Variants in UGT1A8 observed in about 807,000 individuals in gnomAD.
UGT1A8 encodes the protein UDP glucuronosyltransferase family 1 member A8, also known as UDP-glucuronosyltransferase 1A8.
In UGT1A8, 39 loss-of-function variants were observed where a neutral mutation model predicts 45.3. The ratio of observed to expected loss-of-function variants is 0.86; its 90% confidence interval spans 0.67 to 1.12. The LOEUF (loss-of-function observed/expected upper bound fraction) is 1.12. Among genes scored for constraint, UGT1A8 ranks in the 50% most tolerant of loss-of-function variants. The probability of loss-of-function intolerance (pLI) is 0.00; values close to 1 mark genes in which losing one functional copy is unlikely to be tolerated. For missense variants in UGT1A8, 719 were observed against 664.9 expected (o/e 1.08, Z -0.90); for synonymous variants, 275 against 249.2 (o/e 1.10, Z -0.97).
chr2:233,744,011 C>G, intron 1 of UGT1A8: 1 of 1,116,884 alleles, frequency 9.0e-7, no homozygotes, highest in South Asian at 1.5e-5. Flanking sequence ...AGACCTGGGC[C>G]GCCTGGAGAG....
At chr2:233,655,053 C>G (rs1464630053) in intron 1 of UGT1A8, among the ~76,000 whole-genome samples, 1 of 151,984 alleles carries the variant, frequency 6.6e-6, no homozygotes, top group African/African-American at 2.4e-5. Context: ...CATACCACTG[C>G]ACTCCAGCCT....
At chr2:233,758,862 T>C (rs1697002343) in intron 1 of UGT1A8, among the ~76,000 whole-genome samples, 2 of 152,226 alleles carry the variant, frequency 1.3e-5, no homozygotes. Flanking sequence ...GGCTGCACAA[T>C]ACTTGCCCCA....
rs146289100 is a variant in UGT1A8, at chr2:233,636,728, C to T, written c.855+18166C>T. 6.8e-5 allele frequency: 110 copies of T among 1,614,150 alleles called. No individual in the cohort carries two copies. The African/African-American group carries it at 9.9e-4, about 14-fold the overall frequency. On this transcript the variant is annotated intron_variant, in intron 1 of 4. Coordinates refer to ENST00000373450, the MANE Select transcript of UGT1A8 (RefSeq NM_019076.5). ...GAGGTGAGTTGGCAACTGGAAAGAT[C>T]ACTGAATTGCACAGTGAAGACTTAC...
At chr2:233,747,502 C>A in intron 1 of UGT1A8, 1 of 1,608,242 alleles carries the variant, frequency 6.2e-7, no homozygotes, top group Non-Finnish European at 8.5e-7. Context: ...CTGGGCCACA[C>A]TCAACTGTAC....
At chr2:233,755,166 T>C in intron 1 of UGT1A8, 2 of 1,275,566 alleles carry the variant, frequency 1.6e-6, no homozygotes, top group Non-Finnish European at 2.1e-6. Context: ...GTCCTCGGGG[T>C]TTTTGTCGGG....
intron 1 of UGT1A8, chr2:233,760,131 T>A: frequency 7.3e-7 from 1 of 1,362,720 alleles, no homozygotes; most frequent in African/African-American, 1.5e-5. Context: ...TCCACCTTCT[T>A]TATCTCTGAA....
At chr2:233,652,393 T>C (rs533994683) in intron 1 of UGT1A8, among the ~76,000 whole-genome samples, 1 of 152,342 alleles carries the variant, frequency 6.6e-6, no homozygotes, top group Non-Finnish European at 1.5e-5. Flanking sequence ...TATCTGCTCT[T>C]TTGTTCTTTT....
intron 1 of UGT1A8, among the ~76,000 whole-genome samples, chr2:233,709,877 A>G (rs2076095941): frequency 6.6e-6 from 1 of 152,140 alleles, no homozygotes; most frequent in Non-Finnish European, 1.5e-5. Context: ...TTACCCAGTA[A>G]CTTCCCTTCT....
intron 1 of UGT1A8, among the ~76,000 whole-genome samples, chr2:233,689,674 A>G (rs1426137684): frequency 6.6e-6 from 1 of 152,186 alleles, no homozygotes; most frequent in Non-Finnish European, 1.5e-5. Flanking sequence ...AGAACAAAGA[A>G]TGGCTGTCAG....
chr2:233,696,987 C>T lies in UGT1A8; in HGVS notation c.856-70047C>T, dbSNP rs541044034. On this transcript the variant is annotated intron_variant, in intron 1 of 4. Coordinates refer to ENST00000373450, the MANE Select transcript of UGT1A8 (RefSeq NM_019076.5). ...TATTGGATTTGGTTTGCTGGTGTTT[C>T]GTTGAGATTTTTGCATCTATGTTCG... Among the ~76,000 whole-genome samples, 10 of 152,010 alleles carry T rather than the reference C, an allele frequency of 6.6e-5. 1 individual carries two copies. The South Asian group carries it at 1.7e-3, about 25-fold the overall frequency.
At chr2:233,681,274 C>A (rs2074517091) in intron 1 of UGT1A8, among the ~76,000 whole-genome samples, 1 of 151,956 alleles carries the variant, frequency 6.6e-6, no homozygotes, top group African/African-American at 2.4e-5. Context: ...TGGCTCACGC[C>A]TGTAATCCCA....
chr2:233,767,857 G>C lies in UGT1A8; in HGVS notation c.996G>C (p.Trp332Cys). The C allele has an allele frequency of 6.2e-7, 1 of 1,614,112 alleles. No individual in the cohort carries two copies. Among genetic ancestry groups the C allele is most frequent in the Non-Finnish European group, 8.5e-7 (1 of 1,180,034 alleles). The change falls in exon 3 of 5, where the codon TGG becomes TGC. Residue 332 changes from tryptophan to cysteine, a missense_variant. By Grantham distance (215) the Trp-to-Cys change is radical (BLOSUM62 -2). Transcript: ENST00000373450. ...ALGKIPQTVL[W>C]RYTGTRPSNL... The stretch of plus-strand genomic sequence containing the variant: ...CTTTTTGCCCCTCCCAGGTCCTGTG[G>C]CGGTACACTGGAACCCGACCATCGA...
intron 1 of UGT1A8, among the ~76,000 whole-genome samples, chr2:233,700,609 TG>T (rs34100835): frequency 2.6e-5 from 4 of 152,150 alleles, no homozygotes; most frequent in Non-Finnish European, 5.9e-5. Context: ...ACTCTTTTTT[TG>T]GGGGGGTTCC....
intron 1 of UGT1A8, among the ~76,000 whole-genome samples, chr2:233,669,357 C>G (rs148869478): frequency 1.7e-4 from 26 of 152,092 alleles, no homozygotes; most frequent in Middle Eastern, 3.4e-3. Flanking sequence ...AAAAGATAGC[C>G]TGCTGGAATT....
intron 2 of UGT1A8, 93 bp downstream of exon 2, chr2:233,767,258 C>T (rs1454742513): frequency 1.3e-6 from 2 of 1,592,782 alleles, no homozygotes; most frequent in African/African-American, 1.3e-5. Context: ...TTAATTGGAA[C>T]CTTAGATTTG....
At chr2:233,644,866 G>T (rs930472503) in intron 1 of UGT1A8, among the ~76,000 whole-genome samples, 1 of 152,148 alleles carries the variant, frequency 6.6e-6, no homozygotes, top group Non-Finnish European at 1.5e-5. Flanking sequence ...TATGAAGGTG[G>T]TTTTTCCTGT....
intron 1 of UGT1A8, among the ~76,000 whole-genome samples, chr2:233,735,366 G>C (rs2078646092): frequency 6.6e-6 from 1 of 151,988 alleles, no homozygotes; most frequent in Non-Finnish European, 1.5e-5. Context: ...TTGTTTGGTA[G>C]ATCTTCCTCC....
intron 1 of UGT1A8, among the ~76,000 whole-genome samples, chr2:233,670,103 T>TA (rs1559332861): frequency 6.6e-6 from 1 of 152,234 alleles, no homozygotes; most frequent in Non-Finnish European, 1.5e-5. Flanking sequence ...ATGTGTTATA[T>TA]ACTGTATTAT....
chr2:233,757,071 A>G (rs1696390721), intron 1 of UGT1A8, among the ~76,000 whole-genome samples: 1 of 151,466 alleles, frequency 6.6e-6, no homozygotes. Context: ...GGGATCCAGA[A>G]TGGCTAGAGG....
Sources: gnomAD v4.1 joint callset for allele counts (sites outside exome capture counted in the v4.1 genomes callset) on GRCh38, gnomAD v4.1.1 for gene constraint, MANE v1.5 for transcripts, NCBI Gene and HGNC (gene_info 2026-07-23, HGNC 2026-07-21) for gene names.